ERBB4: variants seen among roughly 807,000 people sequenced by gnomAD.
ERBB4 encodes the protein erb-b2 receptor tyrosine kinase 4.
ERBB4 carries 42 observed loss-of-function variants against 158.0 expected under a neutral mutation model. The observed-to-expected ratio is 0.27, with a 90% CI of 0.21 to 0.34. The LOEUF is 0.34. ERBB4 is among the 10% of genes least tolerant of loss of function. ERBB4 has a pLI of 1.00. For synonymous variants in ERBB4, 583 were observed against 558.7 expected, an observed-to-expected ratio of 1.04 and a Z score of -0.61; for missense variants, 1,333 against 1,624.1, an observed-to-expected ratio of 0.82 and a Z score of 3.08.
At chr2:212,218,832 A>G (rs16847955) in intron 1 of ERBB4, among the ~76,000 whole-genome samples, 5,375 of 151,500 alleles carry the variant, frequency 0.035, 289 homozygotes, top group African/African-American at 0.12. Context: ...TTTACACATA[A>G]TATATAGAAT....
chr2:211,575,453 A>T lies in ERBB4; in HGVS notation c.2302-13365T>A, dbSNP rs368492124. Among the ~76,000 whole-genome samples the T allele has an allele frequency of 1.1e-3, 167 of 152,336 alleles. 3 individuals are homozygous for T. Among genetic ancestry groups the T allele is most frequent in the African/African-American group, 3.8e-3 (160 of 41,574 alleles). On this transcript the variant is annotated intron_variant, in intron 19 of 27. Coordinates refer to ENST00000342788, the MANE Select transcript of ERBB4 (RefSeq NM_005235.3). ...AATGTGAATCTAAAAGTGCTGAATCAATATTTTTGAAACTTAAATTTGACT... is the reference window on the plus strand; with the variant it reads ...AATGTGAATCTAAAAGTGCTGAATCTATATTTTTGAAACTTAAATTTGACT...
chr2:211,524,777 G>A (rs1013539155), intron 20 of ERBB4, among the ~76,000 whole-genome samples: 5 of 152,172 alleles, frequency 3.3e-5, no homozygotes, highest in African/African-American at 1.2e-4. Context: ...CTCCCTGCAA[G>A]CTGAGGGAGC....
intron 3 of ERBB4, among the ~76,000 whole-genome samples, chr2:211,875,044 A>AAAAAAAAAAAAAAAC (rs2078460408): frequency 8.8e-6 from 1 of 113,970 alleles, no homozygotes; most frequent in African/African-American, 2.7e-5. Context: ...AAAAAAAAAA[A>AAAAAAAAAAAAAAAC]AAAAAACAAA....
intron 3 of ERBB4, among the ~76,000 whole-genome samples, chr2:211,927,408 T>C (rs2080044838): frequency 6.6e-6 from 1 of 152,190 alleles, no homozygotes; most frequent in Non-Finnish European, 1.5e-5. Context: ...CTTCATTAAT[T>C]AAAAGAATTC....
chr2:211,759,937 T>C (rs1162649599), intron 4 of ERBB4, among the ~76,000 whole-genome samples: 3 of 152,160 alleles, frequency 2.0e-5, no homozygotes, highest in Non-Finnish European at 2.9e-5. Context: ...ATTAAATAAA[T>C]ATAATTTTAT....
At chr2:211,491,198 AT>A (rs912532275) in intron 20 of ERBB4, among the ~76,000 whole-genome samples, 44 of 152,046 alleles carry the variant, frequency 2.9e-4, no homozygotes, top group Non-Finnish European at 4.4e-4. Flanking sequence ...ATTGTAAGGG[AT>A]TTTTTTCTTT....
rs1357954386 is a variant in ERBB4 at position 211,377,586 on chromosome 2, G to T, written c.*6029C>A. On this transcript the variant is annotated 3_prime_UTR_variant, in exon 28 of 28. Transcript: ENST00000342788. ...ATGATCCAAAAAAGAATTGCAGGTG[G>T]TTATCAAAGCTGAATAGCCTTTACC... The T allele has an allele frequency of 4.3e-6, 1 of 232,304 alleles. No individual in the cohort carries two copies. The highest frequency in any genetic ancestry group is 8.5e-6 in the Non-Finnish European group (1 of 117,578). The allele number at this position is 232,304 out of a possible 1,614,324, so 14.4% of individuals were successfully genotyped here.
At chr2:211,631,457 A>C (rs751597471) in intron 16 of ERBB4, among the ~76,000 whole-genome samples, 2 of 152,202 alleles carry the variant, frequency 1.3e-5, no homozygotes, top group African/African-American at 2.4e-5. Context: ...CTCATAAAAG[A>C]GGTTTGCACA....
chr2:211,746,783 T>C (rs2074985974), intron 5 of ERBB4, among the ~76,000 whole-genome samples: 2 of 144,784 alleles, frequency 1.4e-5, no homozygotes, highest in South Asian at 4.4e-4. Context: ...GGAGCCGAGA[T>C]CGCACCACCG....
Position 211,386,923 on chromosome 2 carries a change from T to C in ERBB4, c.3411A>G (p.Pro1137=), listed in dbSNP as rs759168829. The C allele has an allele frequency of 6.2e-7, 1 of 1,614,214 alleles. No individual in the cohort carries two copies. Among genetic ancestry groups the C allele is most frequent in the South Asian group, 1.1e-5 (1 of 91,088 alleles). The change falls in exon 27 of 28, where the codon CCA becomes CCG. Residue 1137 remains proline, a synonymous_variant. Transcript: ENST00000342788. ...RYSADPTVFA[P]ERSPRGELDE... is the part of the protein sequence containing the mutation. ...CCAGCTCTCCTCGTGGGCTCCGTTC[T>C]GGGGCAAACACGGTGGGGTCAGCAC... is the stretch of plus-strand genomic sequence containing the variant.
chr2:212,513,768 C>A (rs972442761), intron 1 of ERBB4, among the ~76,000 whole-genome samples: 6 of 151,624 alleles, frequency 4.0e-5, no homozygotes, highest in Admixed American at 1.3e-4. Flanking sequence ...GCCAAGATCC[C>A]GCCACTGCAC....
intron 5 of ERBB4, among the ~76,000 whole-genome samples, chr2:211,741,827 T>G (rs1575080191): frequency 1.3e-5 from 2 of 152,228 alleles, no homozygotes; most frequent in African/African-American, 4.8e-5. Context: ...TTTTAAATCT[T>G]TGAGAAAAGT....
chr2:212,108,706 C>T (rs1316824793), intron 2 of ERBB4, among the ~76,000 whole-genome samples: 222 of 96,856 alleles, frequency 2.3e-3, no homozygotes, highest in African/African-American at 4.2e-3. Context: ...AATGGGTCTG[C>T]TTTTTTTTTT....
chr2:212,410,484 C>T (rs1370427248), intron 1 of ERBB4, among the ~76,000 whole-genome samples: 1 of 151,998 alleles, frequency 6.6e-6, no homozygotes, highest in East Asian at 1.9e-4. Context: ...TTTAAGTTTT[C>T]TGTGTAGTTT....
intron 4 of ERBB4, among the ~76,000 whole-genome samples, chr2:211,754,006 T>C (rs934603054): frequency 2.7e-4 from 41 of 151,692 alleles, no homozygotes; most frequent in African/African-American, 7.5e-4. Flanking sequence ...TACAGGCGCC[T>C]GCCACCACGC....
At chr2:212,404,580 G>A (rs768246370) in intron 1 of ERBB4, among the ~76,000 whole-genome samples, 3 of 151,918 alleles carry the variant, frequency 2.0e-5, no homozygotes, top group African/African-American at 7.2e-5. Context: ...TGGCATGTTA[G>A]AGGATGACAA....
At chr2:212,073,106 G>A (rs1405052941) in intron 2 of ERBB4, among the ~76,000 whole-genome samples, 1 of 151,698 alleles carries the variant, frequency 6.6e-6, no homozygotes, top group Admixed American at 6.6e-5. Context: ...CCTGGAGGTG[G>A]AAGGAAGGAA....
At chr2:211,744,669 C>T (rs941502292) in intron 5 of ERBB4, among the ~76,000 whole-genome samples, 4 of 152,178 alleles carry the variant, frequency 2.6e-5, no homozygotes, top group Admixed American at 6.5e-5. Context: ...CGTGGCTTCT[C>T]ACCATTTAGT....
chr2:211,791,990 C>G (rs2076288502), intron 3 of ERBB4, among the ~76,000 whole-genome samples: 1 of 151,606 alleles, frequency 6.6e-6, no homozygotes, highest in Non-Finnish European at 1.5e-5. Flanking sequence ...TATAATTAGA[C>G]TAAGCCCCAT....
Sources: allele counts gnomAD v4.1 joint callset (sites outside exome capture counted in the v4.1 genomes callset), GRCh38; gene constraint gnomAD v4.1.1; transcripts MANE v1.5; gene names NCBI Gene and HGNC (gene_info 2026-07-23, HGNC 2026-07-21).